DPP6: variants seen among roughly 807,000 people sequenced by gnomAD.
DPP6 encodes the protein dipeptidyl peptidase like 6, also known as A-type potassium channel modulatory protein DPP6.
DPP6 carries 69 observed loss-of-function variants against 122.6 expected under a neutral mutation model. The ratio of observed to expected loss-of-function variants is 0.56; its 90% CI spans 0.46 to 0.69. The LOEUF (loss-of-function observed/expected upper bound fraction) is 0.69, where lower values mean the gene tolerates loss of function less well. Ranked by LOEUF, DPP6 falls within the 30% of genes least tolerant of loss-of-function variation. The pLI, the probability that DPP6 is intolerant of heterozygous loss-of-function variation, is 0.00. For missense variants in DPP6, 928 were observed against 1,116.9 expected, an observed-to-expected ratio of 0.83 and a Z score of 2.41; for synonymous variants, 418 against 433.1, an observed-to-expected ratio of 0.97 and a Z score of 0.43.
At chr7:154,728,534 A>G (rs1297063217) in intron 8 of DPP6, among the ~76,000 whole-genome samples, 1 of 152,188 alleles carries the variant, frequency 6.6e-6, no homozygotes, top group African/African-American at 2.4e-5. Context: ...AATAACAACC[A>G]GGTATTGATT....
the DPP6 span, among the ~76,000 whole-genome samples, chr7:153,851,457 C>G: frequency 6.6e-6 from 1 of 152,116 alleles, no homozygotes; most frequent in Non-Finnish European, 1.5e-5. Context: ...CTCCCTTCAC[C>G]TTTTGTCTGA....
intron 8 of DPP6, among the ~76,000 whole-genome samples, chr7:154,749,073 A>T (rs1843185463): frequency 1.3e-5 from 2 of 149,000 alleles, no homozygotes; most frequent in Admixed American, 6.7e-5. Context: ...ATAGGATGGG[A>T]AAGAGAGGGA....
chr7:154,146,418 C>T (rs1248697956), intron 1 of DPP6, among the ~76,000 whole-genome samples: 1 of 149,312 alleles, frequency 6.7e-6, no homozygotes, highest in Non-Finnish European at 1.5e-5. Flanking sequence ...TGATACCTAA[C>T]AAAATGTTTT....
At position 154,541,592 on chromosome 7, in the gene DPP6, C is replaced by G. The variant is rs544081023; in HGVS notation, c.552+966C>G. Among the ~76,000 whole-genome samples, 7 of 152,268 alleles carry G rather than the reference C, an allele frequency of 4.6e-5. No homozygotes were observed. In the East Asian group the frequency reaches 1.4e-3, roughly 29 times the overall value. On this transcript the variant is annotated intron_variant, in intron 4 of 25. Transcript: ENST00000377770. ...GACTCTTATTAGAATAAATAAATCT[C>G]CAACTCAAAGCAGTTGATTCTTTTC...
Position 154,572,510 on chromosome 7 carries a change from CTTTTTTTTTTTT to C in DPP6, c.627+5609_627+5620del, listed in dbSNP as rs77816407. 9.9e-3 allele frequency among the ~76,000 whole-genome samples: 853 copies of C among 86,134 alleles called. 2 individuals carry two copies. Among genetic ancestry groups the C allele is most frequent in the South Asian group, 0.022 (56 of 2,556 alleles). 56.5% of individuals were successfully genotyped at this position (86,134 alleles called of 152,430 possible). On this transcript the variant is annotated intron_variant, in intron 5 of 25. Coordinates refer to ENST00000377770, the MANE Select transcript of DPP6 (RefSeq NM_130797.4). ...ATATGAGTTTCTTTTTTTTTCTTTT[CTTTTTTTTTTTT>C]TTTTTTTTTTTTTTGGTGGTGTCTC...
chr7:154,439,516 C>T (rs1194072187), intron 1 of DPP6, among the ~76,000 whole-genome samples: 2 of 152,102 alleles, frequency 1.3e-5, no homozygotes, highest in Admixed American at 6.5e-5. Context: ...AGACTGAGCC[C>T]AGAAAGCAAG....
chr7:154,010,131 C>T lies in DPP6; in HGVS notation c.51+122397C>T, dbSNP rs551635629. On this transcript the variant is annotated intron_variant, in intron 1 of 25. Transcript: ENST00000404039. ...TGACTTGCCTCTGAGGAGGCCCATC[C>T]GACTTAGCTTGAACAACCCGGATTC... Among the ~76,000 whole-genome samples, 1,041 of 152,188 alleles carry T rather than the reference C, an allele frequency of 6.8e-3. 2 individuals carry two copies. The highest frequency in any genetic ancestry group is 0.023 in the African/African-American group (974 of 41,454).
At chr7:154,360,048 G>A in intron 1 of DPP6, among the ~76,000 whole-genome samples, 1 of 152,206 alleles carries the variant, frequency 6.6e-6, no homozygotes, top group Admixed American at 6.5e-5. Flanking sequence ...GTAAGATTTA[G>A]ACGTTAGACA....
chr7:154,599,632 T>C (rs1833311331), intron 5 of DPP6, among the ~76,000 whole-genome samples: 1 of 151,994 alleles, frequency 6.6e-6, no homozygotes. Context: ...TAACTCGTCA[T>C]TTACATTAGG....
At chr7:153,847,530 C>CT in the DPP6 span, among the ~76,000 whole-genome samples, 1 of 152,118 alleles carries the variant, frequency 6.6e-6, no homozygotes, top group Non-Finnish European at 1.5e-5. Flanking sequence ...ATTTTGTTAT[C>CT]TTTTGCAGAT....
At chr7:154,787,465 T>C (rs920698364) in intron 10 of DPP6, among the ~76,000 whole-genome samples, 1 of 152,238 alleles carries the variant, frequency 6.6e-6, no homozygotes, top group Admixed American at 6.5e-5. Context: ...CCACTACTGA[T>C]GGTTGCCTCA....
At chr7:154,358,340 A>T (rs959495673) in intron 1 of DPP6, among the ~76,000 whole-genome samples, 3 of 152,200 alleles carry the variant, frequency 2.0e-5, no homozygotes, top group Admixed American at 6.5e-5. Context: ...TTAGGACTTG[A>T]TCACATCTTT....
At chr7:154,006,076 G>T (rs1797902094) in intron 1 of DPP6, among the ~76,000 whole-genome samples, 1 of 152,194 alleles carries the variant, frequency 6.6e-6, no homozygotes, top group South Asian at 2.1e-4. Flanking sequence ...AGTGGAGCCT[G>T]TTCATTGAAG....
chr7:154,634,701 C>T (rs1339089380), intron 5 of DPP6, among the ~76,000 whole-genome samples: 2 of 151,964 alleles, frequency 1.3e-5, no homozygotes, highest in African/African-American at 4.8e-5. Flanking sequence ...TCTCCTTCTT[C>T]TCCTTCTTCT....
intron 1 of DPP6, among the ~76,000 whole-genome samples, chr7:154,179,062 G>A (rs1797949716): frequency 6.6e-6 from 1 of 152,184 alleles, no homozygotes; most frequent in Non-Finnish European, 1.5e-5. Flanking sequence ...AGCAATGCAG[G>A]CTGAAGAAGT....
intron 7 of DPP6, among the ~76,000 whole-genome samples, chr7:154,703,372 A>G (rs2131272812): frequency 6.6e-6 from 1 of 152,320 alleles, no homozygotes; most frequent in African/African-American, 2.4e-5. Flanking sequence ...TAATCCCAGC[A>G]CTTTGGGAGG....
chr7:154,033,145 C>T (rs1446622849), intron 1 of DPP6, among the ~76,000 whole-genome samples: 1 of 152,112 alleles, frequency 6.6e-6, no homozygotes. Flanking sequence ...GCCCAGTACC[C>T]CACAAGTGAT....
intron 1 of DPP6, among the ~76,000 whole-genome samples, chr7:154,188,168 C>T (rs753090545): frequency 2.0e-5 from 3 of 152,048 alleles, no homozygotes; most frequent in Non-Finnish European, 2.9e-5. Context: ...ATGAACACCC[C>T]ACAGTGACTT....
At chr7:154,077,162 T>A (rs936530909) in intron 1 of DPP6, among the ~76,000 whole-genome samples, 2 of 152,204 alleles carry the variant, frequency 1.3e-5, no homozygotes, top group African/African-American at 4.8e-5. Flanking sequence ...CTAAGGTGAT[T>A]TAAAATGCCT....
Sources: gnomAD v4.1 joint callset for allele counts (sites outside exome capture counted in the v4.1 genomes callset) on GRCh38, gnomAD v4.1.1 for gene constraint, MANE v1.5 for transcripts, NCBI Gene and HGNC (gene_info 2026-07-23, HGNC 2026-07-21) for gene names.